Variants in HNF4G observed in about 807,000 individuals in gnomAD.
HNF4G encodes the protein hepatocyte nuclear factor 4 gamma.
A neutral mutation model predicts 50.9 loss-of-function variants in HNF4G; 21 were observed. The ratio of observed to expected loss-of-function variants is 0.41; its 90% CI spans 0.29 to 0.59. HNF4G has a LOEUF of 0.59. Ranked by LOEUF, HNF4G falls within the 20% of genes least tolerant of loss-of-function variation. The pLI, the probability that HNF4G is intolerant of heterozygous loss-of-function variation, is 0.26. For missense variants in HNF4G, 527 were observed against 559.4 expected, an observed-to-expected ratio of 0.94 and a Z score of 0.58; for synonymous variants, 198 against 185.6, an observed-to-expected ratio of 1.07 and a Z score of -0.54.
At chr8:75,453,022 A>G (rs749920572) in intron 1 of HNF4G, among the ~76,000 whole-genome samples, 1 of 152,248 alleles carries the variant, frequency 6.6e-6, no homozygotes, top group African/African-American at 2.4e-5. Context: ...TGATTGCTAA[A>G]GTTCACCTAG....
At chr8:75,441,869 C>T (rs1811295107) in intron 1 of HNF4G, among the ~76,000 whole-genome samples, 1 of 152,152 alleles carries the variant, frequency 6.6e-6, no homozygotes. Context: ...TTTATAGCAG[C>T]ACTGTTTGTA....
intron 1 of HNF4G, among the ~76,000 whole-genome samples, chr8:75,459,307 G>A (rs1811792268): frequency 6.6e-6 from 1 of 152,082 alleles, no homozygotes; most frequent in African/African-American, 2.4e-5. Context: ...TGAGTTCTTA[G>A]GAAAGAAAAT....
upstream of HNF4G, chr8:75,539,798 T>A (rs1806562236): frequency 1.9e-6 from 1 of 534,194 alleles, no homozygotes; most frequent in South Asian, 2.6e-5. Context: ...GAATATGGCC[T>A]GCTGAAGAAG....
At chr8:75,520,493 A>G (rs1806011248) in intron 2 of HNF4G, among the ~76,000 whole-genome samples, 1 of 152,010 alleles carries the variant, frequency 6.6e-6, no homozygotes, top group Admixed American at 6.6e-5. Context: ...GCTGGAGTAC[A>G]GTGAAATGAT....
intron 2 of HNF4G, among the ~76,000 whole-genome samples, chr8:75,501,412 G>T (rs570542152): frequency 1.1e-4 from 17 of 152,270 alleles, no homozygotes; most frequent in African/African-American, 4.1e-4. Flanking sequence ...CTGCACTCCA[G>T]CCCAGCTGAC....
intron 1 of HNF4G, among the ~76,000 whole-genome samples, chr8:75,419,013 C>A (rs557110842): frequency 6.6e-6 from 1 of 152,274 alleles, no homozygotes; most frequent in African/African-American, 2.4e-5. Context: ...AGGCGTGAGC[C>A]ACTGCACCTG....
At chr8:75,491,265 C>A (rs1485378550) in intron 2 of HNF4G, among the ~76,000 whole-genome samples, 3 of 152,040 alleles carry the variant, frequency 2.0e-5, no homozygotes, top group African/African-American at 7.2e-5. Flanking sequence ...ATGTTTGCAA[C>A]ATGTTACTGA....
intron 1 of HNF4G, among the ~76,000 whole-genome samples, chr8:75,449,696 A>C (rs1252485059): frequency 1.3e-5 from 2 of 151,528 alleles, no homozygotes; most frequent in African/African-American, 4.8e-5. Context: ...TTTAGTAGAG[A>C]CGGGGTTTCA....
At chr8:75,456,325 A>G (rs1446920746) in intron 1 of HNF4G, among the ~76,000 whole-genome samples, 1 of 152,208 alleles carries the variant, frequency 6.6e-6, no homozygotes, top group African/African-American at 2.4e-5. Flanking sequence ...TGAAAGTGGT[A>G]TATGGCCTGA....
At chr8:75,430,858 A>G (rs74674520) in intron 1 of HNF4G, among the ~76,000 whole-genome samples, 7,246 of 152,264 alleles carry the variant, frequency 0.048, 185 homozygotes, top group Middle Eastern at 0.062. Flanking sequence ...TCTCAGTGAA[A>G]GAAATCAGTA....
chr8:75,554,120 C>T (rs1337724790), intron 5 of HNF4G, among the ~76,000 whole-genome samples: 2 of 152,024 alleles, frequency 1.3e-5, no homozygotes, highest in Non-Finnish European at 2.9e-5. Flanking sequence ...TGAAATAATT[C>T]TTAAAATGCT....
chr8:75,494,675 G>A (rs1041057813), intron 2 of HNF4G, among the ~76,000 whole-genome samples: 5 of 151,592 alleles, frequency 3.3e-5, no homozygotes, highest in African/African-American at 1.2e-4. Flanking sequence ...CATAATAAGT[G>A]GTCATTATTT....
At chr8:75,475,694 ACAGCTT>A (rs1812224556) in intron 1 of HNF4G, among the ~76,000 whole-genome samples, 1 of 152,178 alleles carries the variant, frequency 6.6e-6, no homozygotes, top group South Asian at 2.1e-4. Context: ...CTGAAAACAT[ACAGCTT>A]CAGAGTTTTT....
chr8:75,488,170 G>C (rs1812537068), intron 1 of HNF4G, among the ~76,000 whole-genome samples: 1 of 152,100 alleles, frequency 6.6e-6, no homozygotes, highest in Non-Finnish European at 1.5e-5. Context: ...TTTTCTTTAT[G>C]TCTTTGGACT....
At chr8:75,422,879 T>G (rs1421525268) in intron 1 of HNF4G, among the ~76,000 whole-genome samples, 1 of 152,188 alleles carries the variant, frequency 6.6e-6, no homozygotes, top group Non-Finnish European at 1.5e-5. Context: ...GAGCATTTAT[T>G]ATTTACAGGC....
chr8:75,475,975 C>A (rs753262841), intron 1 of HNF4G, among the ~76,000 whole-genome samples: 1 of 152,024 alleles, frequency 6.6e-6, no homozygotes, highest in Non-Finnish European at 1.5e-5. Flanking sequence ...TTGGGGCGTA[C>A]ACATGCAGGT....
chr8:75,430,984 G>C (rs1811004261), intron 1 of HNF4G, among the ~76,000 whole-genome samples: 1 of 151,876 alleles, frequency 6.6e-6, no homozygotes, highest in African/African-American at 2.4e-5. Flanking sequence ...TATGGTAAAA[G>C]ACAGAAGACT....
intron 1 of HNF4G, among the ~76,000 whole-genome samples, chr8:75,447,642 CA>C (rs1479781434): frequency 6.6e-6 from 1 of 152,110 alleles, no homozygotes; most frequent in African/African-American, 2.4e-5. Context: ...AGACACTTCT[CA>C]AAAGAATACA....
chr8:75,531,735 T>C (rs1283067170), intron 2 of HNF4G, among the ~76,000 whole-genome samples: 2 of 152,040 alleles, frequency 1.3e-5, no homozygotes, highest in Non-Finnish European at 2.9e-5. Context: ...CTACATTGTA[T>C]TAGGTACTCT....
Sources: gnomAD v4.1 joint callset for allele counts (sites outside exome capture counted in the v4.1 genomes callset) on GRCh38, gnomAD v4.1.1 for gene constraint, MANE v1.5 for transcripts, NCBI Gene and HGNC (gene_info 2026-07-23, HGNC 2026-07-21) for gene names.